The following TAS2R8 variants were observed in gnomAD, a reference collection of about 807,000 sequenced individuals.
The protein encoded by TAS2R8 is taste 2 receptor member 8.
For missense variants in TAS2R8, 396 were observed against 358.1 expected (o/e 1.11, Z -0.85); for synonymous variants, 139 against 123.9 (o/e 1.12, Z -0.81).
rs773553861 is a variant in TAS2R8, at chr12:10,806,348, A to G, written c.633T>C (p.His211=). The G allele has an allele frequency of 1.2e-5, 20 of 1,613,792 alleles. No individual in the cohort carries two copies. The South Asian group carries it at 2.1e-4, about 17-fold the overall frequency. ...TAGCATAGAGTTTTATTTGCTTGGT[A>G]TGTCTCCATAAAGATCTTACTAAAA... ...FFLLVRSLWR[H]TKQIKLYATG... The change falls in exon 1 of 1, where the codon CAT becomes CAC. Residue 211 remains histidine (H), a synonymous_variant. Coordinates refer to ENST00000240615, the MANE Select transcript of TAS2R8 (RefSeq NM_023918.3).
rs1397231229 is a variant in TAS2R8, at chr12:10,806,478, A to C, written c.503T>G (p.Ile168Ser). The C allele has an allele frequency of 1.2e-6, 2 of 1,613,754 alleles. No homozygotes were observed. The highest frequency in any genetic ancestry group is 2.7e-5 in the African/African-American group (2 of 74,906). Residue 168 changes from isoleucine to serine, a missense_variant, in exon 1 of 1, where the codon ATT becomes AGT. Transcript: ENST00000240615. ...FHAIAKHKRN[I>S]TEMFHVSKIP... ...TTTACTCACATGGAACATTTCAGTA[A>C]TGTTTCTTTTATGTTTGGCAATTGC...
Position 10,806,217 on chromosome 12 carries a change from G to C in TAS2R8, c.764C>G (p.Thr255Ser), listed in dbSNP as rs1254479240. 2 of 1,613,208 alleles carry C rather than the reference G, an allele frequency of 1.2e-6. No individual in the cohort carries two copies. Among genetic ancestry groups the C allele is most frequent in the African/African-American group, 1.3e-5 (1 of 74,940 alleles). ...FLYYISSILM[T>S]FSYLMTKYKL... ...GTATTTTGTCATAAGATAGCTAAAG[G>C]TCATCAAAATAGAAGAAATATAGTA... is the stretch of plus-strand genomic sequence containing the variant. Residue 255 changes from threonine to serine, a missense_variant, in exon 1 of 1, where the codon ACC (threonine) becomes AGC (serine). Physicochemically the swap from Thr to Ser is moderately conservative, Grantham distance 58. Transcript: ENST00000240615.
rs1309428745 is a variant in TAS2R8, at chr12:10,806,153, G to A, written c.828C>T (p.Leu276=). Residue 276 remains leucine, a synonymous_variant, in exon 1 of 1, where the codon CTC becomes CTT. Transcript: ENST00000240615. The stretch of plus-strand genomic sequence containing the variant: ...AAATAAGTGAGTGACCCAAGGGGTA[G>A]AGAATTGCTGCAATCTCTCCAAACT... The part of the protein sequence containing the change: ...AVEFGEIAAI[L]YPLGHSLILI... 1 of 1,613,504 alleles carries A rather than the reference G, an allele frequency of 6.2e-7. No individual in the cohort carries two copies. Among genetic ancestry groups the A allele is most frequent in the Non-Finnish European group, 8.5e-7 (1 of 1,179,756 alleles).
chr12:10,806,412 G>A lies in TAS2R8; in HGVS notation c.569C>T (p.Ala190Val), dbSNP rs1274370846. 1 of 1,613,706 alleles carries A rather than the reference G, an allele frequency of 6.2e-7. No homozygotes were observed. Among genetic ancestry groups the A allele is most frequent in the Non-Finnish European group, 8.5e-7 (1 of 1,179,828 alleles). ...FEPLTLFNLFAIVPFIVSLIS... is the reference protein window; with the variant it reads ...FEPLTLFNLFVIVPFIVSLIS... ...CAGTGACACAATAAATGGGACAATT[G>A]CAAACAGGTTAAAGAGAGTCAAGGG... is the stretch of plus-strand genomic sequence containing the variant. The change falls in exon 1 of 1, where the codon GCA (alanine) becomes GTA (valine). Residue 190 changes from alanine (A) to valine (V), a missense_variant. By Grantham distance (64) the Ala-to-Val change is moderately conservative. Coordinates refer to ENST00000240615, the MANE Select transcript of TAS2R8 (RefSeq NM_023918.3).
At position 10,806,630 on chromosome 12, in the gene TAS2R8, T is replaced by A. The variant is rs889968986; in HGVS notation, c.351A>T (p.Pro117=). Residue 117 remains proline, a synonymous_variant, in exon 1 of 1, where the codon CCA becomes CCT. Transcript: ENST00000240615. ...YFLKIASSSH[P]LFLWLKWKID... ...TTTTCCACTTCAGCCAGAGAAAAAG[T>A]GGATGAGAGGAACTGGCTATCTTCA... The A allele has an allele frequency of 2.5e-6, 4 of 1,613,750 alleles. No homozygotes were observed. The African/African-American group carries it at 4.0e-5, about 16-fold the overall frequency.
In TAS2R8 at chr12:10,806,552, C is replaced by T. The variant is rs1296209656; in HGVS notation, c.429G>A (p.Leu143=). The part of the protein sequence containing the change: ...ILLGCFAISL[L]VSLIAAIVLS... ...GTACTATTGCTGCTATAAGGCTGACCAACAAGGAAATGGCAAAGCATCCCA... is the reference window on the plus strand; with the variant it reads ...GTACTATTGCTGCTATAAGGCTGACTAACAAGGAAATGGCAAAGCATCCCA... Residue 143 remains leucine (L), a synonymous_variant, in exon 1 of 1, where the codon TTG becomes TTA. Coordinates refer to ENST00000240615, the MANE Select transcript of TAS2R8 (RefSeq NM_023918.3). The T allele has an allele frequency of 1.9e-6, 3 of 1,613,796 alleles. No homozygotes were observed. Among genetic ancestry groups the T allele is most frequent in the Admixed American group, 3.3e-5 (2 of 59,932 alleles).
rs1565412513 is a variant in TAS2R8 at position 10,806,720 on chromosome 12, G to C, written c.261C>G (p.Thr87=). 1 of 1,613,786 alleles carries C rather than the reference G, an allele frequency of 6.2e-7. No individual in the cohort carries two copies. The highest frequency in any genetic ancestry group is 1.1e-5 in the South Asian group (1 of 91,058). ...TKNKQQIVIF[T]FWTFANYLNM... Reference sequence around the variant, plus strand: ...TTAAGTAGTTGGCAAATGTCCAGAAGGTAAAAATGACTATCTGTTGTTTAT... The same window carrying C: ...TTAAGTAGTTGGCAAATGTCCAGAACGTAAAAATGACTATCTGTTGTTTAT... The change falls in exon 1 of 1, where the codon ACC becomes ACG. Residue 87 remains threonine (T), a synonymous_variant. Transcript: ENST00000240615.
In TAS2R8 at chr12:10,806,731, C is replaced by T; in HGVS notation, c.250G>A (p.Val84Ile). The T allele has an allele frequency of 6.2e-7, 1 of 1,613,872 alleles. No homozygotes were observed. ...DVYTKNKQQI[V>I]IFTFWTFANY... ...GCAAATGTCCAGAAGGTAAAAATGA[C>T]TATCTGTTGTTTATTTTTTGTATAA... Residue 84 changes from valine to isoleucine, a missense_variant, in exon 1 of 1, where the codon GTC (valine) becomes ATC (isoleucine). Coordinates refer to ENST00000240615, the MANE Select transcript of TAS2R8 (RefSeq NM_023918.3).
rs146612195 is a variant in TAS2R8, at chr12:10,806,320, C to T, written c.661G>A (p.Gly221Ser). ...ACTTCTGTGCTGGGGTCTCTACTGC[C>T]GGTAGCATAGAGTTTTATTTGCTTG... ...HTKQIKLYATGSRDPSTEVHV... is the reference protein window; with the variant it reads ...HTKQIKLYATSSRDPSTEVHV... The change falls in exon 1 of 1, where the codon GGC becomes AGC. Residue 221 changes from glycine (G) to serine (S), a missense_variant. Transcript: ENST00000240615. The T allele has an allele frequency of 1.0e-4, 169 of 1,613,614 alleles. No homozygotes were observed. In the African/African-American group the frequency reaches 1.2e-3, roughly 12 times the overall value.
Position 10,806,618 on chromosome 12 carries a change from C to G in TAS2R8, c.363G>C (p.Trp121Cys). The G allele has an allele frequency of 2.5e-6, 4 of 1,613,712 alleles. No individual in the cohort carries two copies. Among genetic ancestry groups the G allele is most frequent in the Non-Finnish European group, 2.5e-6 (3 of 1,179,848 alleles). Reference protein sequence around the residue: ...IASSSHPLFLWLKWKIDMVVH... With the variant: ...IASSSHPLFLCLKWKIDMVVH... ...CCACCATATCAATTTTCCACTTCAG[C>G]CAGAGAAAAAGTGGATGAGAGGAAC... Residue 121 changes from tryptophan (W) to cysteine (C), a missense_variant, in exon 1 of 1, where the codon TGG becomes TGC. Trp to Cys is a radical substitution (Grantham distance 215). Coordinates refer to ENST00000240615, the MANE Select transcript of TAS2R8 (RefSeq NM_023918.3).
chr12:10,806,055 A>G lies in TAS2R8; in HGVS notation c.926T>C (p.Ile309Thr). 8.8e-6 allele frequency: 14 copies of G among 1,586,398 alleles called. No homozygotes were observed. The highest frequency in any genetic ancestry group is 1.2e-5 in the Non-Finnish European group (14 of 1,169,930). ...TCCATTTATACAGCTAAGATTTCAT[A>G]TCATGCAGGCAATTTTTCTACATGT... ...MLTCRKIACMI is the reference protein window; with the variant it reads ...MLTCRKIACMT Residue 309 changes from isoleucine to threonine, a missense_variant, in exon 1 of 1, where the codon ATA (isoleucine) becomes ACA (threonine). Physicochemically the swap from Ile to Thr is moderately conservative, Grantham distance 89 (BLOSUM62 -1). Transcript: ENST00000240615.
Position 10,806,273 on chromosome 12 carries a change from A to G in TAS2R8, c.708T>C (p.Thr236=). 6.2e-7 allele frequency: 1 copy of G among 1,613,548 alleles called. No homozygotes were observed. Among genetic ancestry groups the G allele is most frequent in the Non-Finnish European group, 8.5e-7 (1 of 1,179,836 alleles). ...STEVHVRAIK[T]MTSFIFFFFL... ...AAAAAAAGAAGATAAATGAAGTCATAGTTTTAATGGCTCTCACATGAACTT... is the reference window on the plus strand; with the variant it reads ...AAAAAAAGAAGATAAATGAAGTCATGGTTTTAATGGCTCTCACATGAACTT... The change falls in exon 1 of 1, where the codon ACT becomes ACC. Residue 236 remains threonine (T), a synonymous_variant. Transcript: ENST00000240615.
Position 10,806,283 on chromosome 12 carries a change from G to A in TAS2R8, c.698C>T (p.Ala233Val). 1 of 1,613,598 alleles carries A rather than the reference G, an allele frequency of 6.2e-7. No homozygotes were observed. Among genetic ancestry groups the A allele is most frequent in the Non-Finnish European group, 8.5e-7 (1 of 1,179,832 alleles). Residue 233 changes from alanine (A) to valine (V), a missense_variant, in exon 1 of 1, where the codon GCC becomes GTC. By Grantham distance (64) the Ala-to-Val change is moderately conservative. Coordinates refer to ENST00000240615, the MANE Select transcript of TAS2R8 (RefSeq NM_023918.3). ...GATAAATGAAGTCATAGTTTTAATG[G>A]CTCTCACATGAACTTCTGTGCTGGG... ...RDPSTEVHVR[A>V]IKTMTSFIFF...
In TAS2R8 at chr12:10,807,033, A is replaced by G; in HGVS notation, c.-53T>C. ...AATATCACTGTAGATGAGCTAATTT[A>G]CAGGTGACCTGTTAAAGCATGATAG... On this transcript the variant is annotated 5_prime_UTR_variant, in exon 1 of 1. Coordinates refer to ENST00000240615, the MANE Select transcript of TAS2R8 (RefSeq NM_023918.3). 7.2e-7 allele frequency: 1 copy of G among 1,393,526 alleles called. No individual in the cohort carries two copies. The highest frequency in any genetic ancestry group is 1.4e-5 in the South Asian group (1 of 73,954). 86.3% of individuals were successfully genotyped at this position (1,393,526 alleles called of 1,614,324 possible).
Position 10,806,200 on chromosome 12 carries a change from T to G in TAS2R8, c.781A>C (p.Thr261Pro), listed in dbSNP as rs758228458. ...AACTCCACAGCTAACTTGTATTTTG[T>G]CATAAGATAGCTAAAGGTCATCAAA... ...SILMTFSYLM[T>P]KYKLAVEFGE... Residue 261 changes from threonine (T) to proline (P), a missense_variant, in exon 1 of 1, where the codon ACA becomes CCA. Thr to Pro is a conservative substitution (Grantham distance 38). Transcript: ENST00000240615. 6.2e-7 allele frequency: 1 copy of G among 1,613,510 alleles called. No homozygotes were observed. The highest frequency in any genetic ancestry group is 8.5e-7 in the Non-Finnish European group (1 of 1,179,786).
In TAS2R8 at chr12:10,806,156, A is replaced by G. The variant is rs1475745027; in HGVS notation, c.825T>C (p.Ile275=). The G allele has an allele frequency of 6.2e-7, 1 of 1,613,530 alleles. No homozygotes were observed. The highest frequency in any genetic ancestry group is 1.7e-5 in the Admixed American group (1 of 59,920). Residue 275 remains isoleucine, a synonymous_variant, in exon 1 of 1, where the codon ATT becomes ATC. Coordinates refer to ENST00000240615, the MANE Select transcript of TAS2R8 (RefSeq NM_023918.3). ...LAVEFGEIAA[I]LYPLGHSLIL... ...TAAGTGAGTGACCCAAGGGGTAGAG[A>G]ATTGCTGCAATCTCTCCAAACTCCA...
chr12:10,807,237 C>T lies in TAS2R8; in HGVS notation c.-257G>A. 2.7e-6 allele frequency: 1 copy of T among 377,166 alleles called. No homozygotes were observed. The highest frequency in any genetic ancestry group is 4.7e-6 in the Non-Finnish European group (1 of 211,846). 23.4% of individuals were successfully genotyped at this position (377,166 alleles called of 1,614,324 possible). On this transcript the variant is annotated 5_prime_UTR_variant, in exon 1 of 1. Transcript: ENST00000240615. The stretch of plus-strand genomic sequence containing the variant: ...GCCTGGAAAAATTATAATTATTATC[C>T]TTTAGTGAGTGATACCTGAAATGTT...
the TAS2R8 span, chr12:10,806,808 A>T: frequency 1.2e-6 from 2 of 1,613,886 alleles, no homozygotes; most frequent in Non-Finnish European, 1.7e-6. Context: ...TACACTGATC[A>T]AACAAATTCT....
chr12:10,806,935 C>A, the TAS2R8 span: 2,476 of 1,611,486 alleles, frequency 1.5e-3, 49 homozygotes, highest in African/African-American at 0.03. Flanking sequence ...AGTATGAATT[C>A]TCCAGTTATT....
Sources: gnomAD v4.1 joint callset for allele counts on GRCh38, gnomAD v4.1.1 for gene constraint, MANE v1.5 for transcripts, NCBI Gene and HGNC (gene_info 2026-07-23, HGNC 2026-07-21) for gene names.